Variants in ITGA7 observed in about 807,000 individuals in gnomAD.
ITGA7 encodes integrin alpha-7.
ITGA7 carries 84 observed loss-of-function variants against 131.6 expected under a neutral mutation model. That is an observed-to-expected ratio of 0.64 (90% CI 0.54 to 0.77). The LOEUF is 0.77. Among genes scored for constraint, ITGA7 ranks in the 30% least tolerant of loss-of-function variants. The pLI is 0.00. For missense variants in ITGA7, 1,399 were observed against 1,482.9 expected (o/e 0.94, Z 0.93); for synonymous variants, 548 against 600.7 (o/e 0.91, Z 1.28).
At chr12:55,688,149 G>T (rs1870639518) in intron 23 of ITGA7, 53 bp from the exon 24 acceptor site, 4 of 1,614,078 alleles carry the variant, frequency 2.5e-6, no homozygotes, top group Non-Finnish European at 2.5e-6. Context: ...AGAACTGGAG[G>T]GAGCAGGAAA....
intron 21 of ITGA7, among the ~76,000 whole-genome samples, 184 bp from the exon 22 acceptor site, chr12:55,689,141 G>A (rs1180783468): frequency 2.6e-5 from 4 of 152,198 alleles, no homozygotes; most frequent in East Asian, 3.8e-4. Flanking sequence ...ATGCGTGGAG[G>A]GGGCAGCATG....
intron 21 of ITGA7, among the ~76,000 whole-genome samples, chr12:55,692,410 G>A (rs1049632274): frequency 3.9e-5 from 6 of 152,172 alleles, no homozygotes; most frequent in African/African-American, 9.7e-5. Flanking sequence ...GCAAGACTCC[G>A]TCTCAACAAC....
At chr12:55,705,967 C>T (rs1001543128) in intron 1 of ITGA7, among the ~76,000 whole-genome samples, 2 of 152,144 alleles carry the variant, frequency 1.3e-5, no homozygotes, top group Admixed American at 6.5e-5. Context: ...CTCACATACC[C>T]CCCGCCCCCC....
chr12:55,715,262 C>T (rs982704995), upstream of ITGA7, among the ~76,000 whole-genome samples: 4 of 152,126 alleles, frequency 2.6e-5, no homozygotes, highest in East Asian at 7.7e-4. Context: ...ATCCCTTCTC[C>T]TAGTTTTACT....
intron 24 of ITGA7, 28 bp downstream of exon 24, chr12:55,687,943 C>A: frequency 6.2e-7 from 1 of 1,613,746 alleles, no homozygotes; most frequent in African/African-American, 1.3e-5. Context: ...GGAAGTCCAC[C>A]CCCATCAGCC....
Position 55,693,220 on chromosome 12 carries a change from G to C in ITGA7, c.2633C>G (p.Pro878Arg), listed in dbSNP as rs779968289. The C allele has an allele frequency of 6.2e-7, 1 of 1,613,994 alleles. No homozygotes were observed. Among genetic ancestry groups the C allele is most frequent in the Non-Finnish European group, 8.5e-7 (1 of 1,179,956 alleles). Residue 878 changes from proline to arginine, a missense_variant, in exon 20 of 25, where the codon CCA becomes CGA. Pro to Arg is a moderately radical substitution (Grantham distance 103). Coordinates refer to ENST00000257879, the MANE Select transcript of ITGA7 (RefSeq NM_002206.3). ...EIANGKWLLY[P>R]MQVELEGGQG... ...CCCGCCCTCCAGCTCAACCTGCATT[G>C]GGTACAGCAACCACTTCCCATTGGC...
At position 55,695,547 on chromosome 12, in the gene ITGA7, C is replaced by G. The variant is rs371372940; in HGVS notation, c.1978G>C (p.Asp660His). 6.2e-6 allele frequency: 10 copies of G among 1,610,406 alleles called. No individual in the cohort carries two copies. Among genetic ancestry groups the G allele is most frequent in the Non-Finnish European group, 2.5e-6 (3 of 1,178,096 alleles). Reference sequence around the variant, plus strand: ...ATGGGCAGAGGTTGGAATTCCGTGTCGCTGACCCGGGTACAGAAGCGGGCG... The same window carrying G: ...ATGGGCAGAGGTTGGAATTCCGTGTGGCTGACCCGGGTACAGAAGCGGGCG... Reference protein sequence around the residue: ...VRARFCTRVSDTEFQPLPMDV... With the variant: ...VRARFCTRVSHTEFQPLPMDV... The change falls in exon 14 of 25, where the codon GAC becomes CAC. Residue 660 changes from aspartate to histidine, a missense_variant. Asp to His is a moderately conservative substitution (Grantham distance 81, BLOSUM62 -1). Coordinates refer to ENST00000257879, the MANE Select transcript of ITGA7 (RefSeq NM_002206.3).
Position 55,702,976 on chromosome 12 carries a change from G to C in ITGA7, c.335-25C>G, listed in dbSNP as rs765364203. ...GCTAGAGGCAGGACACTGGGAATTA[G>C]GGGAGGGAAGAGGAGCCCAAGTCCT... On this transcript the variant is annotated intron_variant, in intron 2 of 24. Transcript: ENST00000257879. 7 of 1,613,226 alleles carry C rather than the reference G, an allele frequency of 4.3e-6. No homozygotes were observed. In the South Asian group the frequency reaches 7.7e-5, roughly 18 times the overall value.
chr12:55,697,912 TC>T, intron 8 of ITGA7, 25 bp downstream of exon 8: 1 of 1,613,702 alleles, frequency 6.2e-7, no homozygotes, highest in South Asian at 1.1e-5. Flanking sequence ...CCACACCCAT[TC>T]CCTCATCCCA....
chr12:55,691,995 A>G (rs1871523796), intron 21 of ITGA7, among the ~76,000 whole-genome samples: 1 of 152,146 alleles, frequency 6.6e-6, no homozygotes, highest in South Asian at 2.1e-4. Context: ...TCTGCTCAAT[A>G]CCTTCACCTA....
At position 55,697,679 on chromosome 12, in the gene ITGA7, G is replaced by C. The variant is rs1372874880; in HGVS notation, c.1409+16C>G. The stretch of plus-strand genomic sequence containing the variant: ...GCTGACGGCCTCAGGGAGGGAAAAG[G>C]TTGAGAGGGGCTCACCTGAAGAGCA... On this transcript the variant is annotated intron_variant, in intron 9 of 24. Coordinates refer to ENST00000257879, the MANE Select transcript of ITGA7 (RefSeq NM_002206.3). 1 of 1,614,150 alleles carries C rather than the reference G, an allele frequency of 6.2e-7. No homozygotes were observed. The highest frequency in any genetic ancestry group is 2.2e-5 in the East Asian group (1 of 44,882).
chr12:55,692,193 G>A (rs996758857), intron 21 of ITGA7, among the ~76,000 whole-genome samples: 7 of 152,170 alleles, frequency 4.6e-5, no homozygotes, highest in African/African-American at 1.2e-4. Context: ...CAGACAGATC[G>A]CTCGAGGTTA....
chr12:55,702,615 A>G (rs1555165092), intron 3 of ITGA7, among the ~76,000 whole-genome samples: 2 of 152,220 alleles, frequency 1.3e-5, no homozygotes, highest in Non-Finnish European at 1.5e-5. Flanking sequence ...CCCTGTAGTA[A>G]CTAGCACAAT....
In ITGA7 at chr12:55,707,477, C is replaced by A; in HGVS notation, c.206G>T (p.Trp69Leu). Residue 69 changes from tryptophan to leucine, a missense_variant and splice_region_variant, in exon 1 of 25, where the codon TGG (tryptophan) becomes TTG (leucine). By Grantham distance (61) the Trp-to-Leu change is moderately conservative. Transcript: ENST00000257879. ...ACTCTGGGCGGGTGCGGTGACTCAC[C>A]AGCTCTGGGGTCGGGGCTGCAACTG... ...HRQLQPRPQS[W>L]LLVGAPQALA... 1 of 1,612,784 alleles carries A rather than the reference C, an allele frequency of 6.2e-7. No homozygotes were observed. The highest frequency in any genetic ancestry group is 2.2e-5 in the East Asian group (1 of 44,854).
intron 9 of ITGA7, 64 bp from the exon 10 acceptor site, chr12:55,697,610 C>T: frequency 5.6e-6 from 9 of 1,611,134 alleles, no homozygotes; most frequent in Non-Finnish European, 4.2e-6. Context: ...CACTCTTCAG[C>T]ATTAGATTTG....
rs1870857341 is a variant in ITGA7, at chr12:55,688,927, C to T, written c.2875G>A (p.Val959Met). Residue 959 changes from valine to methionine, a missense_variant, in exon 22 of 25, where the codon GTG becomes ATG. Coordinates refer to ENST00000257879, the MANE Select transcript of ITGA7 (RefSeq NM_002206.3). ...AAGCTGTAGAGTGGGCAGCTGAACA[C>T]CACACAGTTGGCCGTGCCCCGGGCG... ...DCARGTANCV[V>M]FSCPLYSFDR... The T allele has an allele frequency of 1.9e-6, 3 of 1,613,980 alleles. No homozygotes were observed. The highest frequency in any genetic ancestry group is 2.2e-5 in the South Asian group (2 of 91,076).
In ITGA7 at chr12:55,693,274, A is replaced by C; in HGVS notation, c.2579T>G (p.Phe860Cys). Residue 860 changes from phenylalanine (F) to cysteine (C), a missense_variant, in exon 20 of 25, where the codon TTC (phenylalanine) becomes TGC (cysteine). Coordinates refer to ENST00000257879, the MANE Select transcript of ITGA7 (RefSeq NM_002206.3). Reference protein sequence around the residue: ...GQSLRTLGSAFLNIMWPHEIA... With the variant: ...GQSLRTLGSACLNIMWPHEIA... ...CTCATGAGGCCACATGATGTTGAGG[A>C]AGGCAGAGCCCAGGGTTCTGAGCGA... The C allele has an allele frequency of 1.2e-6, 2 of 1,614,130 alleles. No individual in the cohort carries two copies. The highest frequency in any genetic ancestry group is 1.7e-6 in the Non-Finnish European group (2 of 1,180,030).
intron 3 of ITGA7, among the ~76,000 whole-genome samples, chr12:55,702,612 G>A (rs1249281358): frequency 6.6e-6 from 1 of 152,210 alleles, no homozygotes. Context: ...TTCCCCTGTA[G>A]TAACTAGCAC....
chr12:55,693,984 A>T (rs1247199562), intron 19 of ITGA7, 37 bp downstream of exon 19: 2 of 1,512,538 alleles, frequency 1.3e-6, no homozygotes, highest in Admixed American at 3.5e-5. Context: ...CCAAGGAGGG[A>T]GGGTGACCAT....
Sources: allele counts gnomAD v4.1 joint callset (sites outside exome capture counted in the v4.1 genomes callset), GRCh38; gene constraint gnomAD v4.1.1; transcripts MANE v1.5; gene names NCBI Gene and HGNC (gene_info 2026-07-23, HGNC 2026-07-21).